Variants in AKAP3 observed in about 807,000 individuals in gnomAD.
The protein encoded by AKAP3 is A-kinase anchor protein 3.
AKAP3 carries 27 observed loss-of-function variants against 57.2 expected under a neutral mutation model. The ratio of observed to expected loss-of-function variants is 0.47; its 90% CI spans 0.35 to 0.65. The LOEUF (loss-of-function observed/expected upper bound fraction) is 0.65, where lower values mean the gene tolerates loss of function less well. AKAP3 is among the 30% of genes least tolerant of loss of function. AKAP3 has a pLI of 0.01. For synonymous variants in AKAP3, 334 were observed against 392.3 expected (o/e 0.85, Z 1.76); for missense variants, 959 against 1,040.0 (o/e 0.92, Z 1.07).
At chr12:4,641,420 G>T (rs1458054460) in intron 3 of AKAP3, among the ~76,000 whole-genome samples, 1 of 152,110 alleles carries the variant, frequency 6.6e-6, no homozygotes, top group Non-Finnish European at 1.5e-5. Flanking sequence ...CACCATGTTG[G>T]CCAGGCTGGT....
In AKAP3 at chr12:4,627,935, G is replaced by A. The variant is rs1287464797; in HGVS notation, c.967C>T (p.Leu323Phe). ...GAGACCACCTCTTTTGCATGCTTGA[G>A]CAGAACCTTCTTCAGTAGGATGGTG... is the stretch of plus-strand genomic sequence containing the variant. ...IATILLKKVL[L>F]KHAKEVVSDL... Residue 323 changes from leucine (L) to phenylalanine (F), a missense_variant, in exon 5 of 6, where the codon CTC (leucine) becomes TTC (phenylalanine). Physicochemically the swap from Leu to Phe is conservative, Grantham distance 22. Coordinates refer to ENST00000228850, the MANE Select transcript of AKAP3 (RefSeq NM_001278309.2). The A allele has an allele frequency of 1.3e-5, 21 of 1,614,104 alleles. No homozygotes were observed. The East Asian group carries it at 3.1e-4, about 24-fold the overall frequency.
At chr12:4,647,727 T>C (rs1301937037) in intron 1 of AKAP3, 1 of 152,216 alleles carries the variant, frequency 6.6e-6, no homozygotes, top group African/African-American at 2.4e-5. Flanking sequence ...TAGCAAATTG[T>C]GTTAAGTGAA....
chr12:4,626,599 A>G lies in AKAP3; in HGVS notation c.2303T>C (p.Val768Ala). Residue 768 changes from valine to alanine, a missense_variant, in exon 5 of 6, where the codon GTT (valine) becomes GCT (alanine). Val to Ala is a moderately conservative substitution (Grantham distance 64). Coordinates refer to ENST00000228850, the MANE Select transcript of AKAP3 (RefSeq NM_001278309.2). ...IVSNHNLTDT[V>A]QNKQLQAVLQ... Reference sequence around the variant, plus strand: ...GACGGCTTGGAGTTGCTTGTTCTGAACTGTGTCCGTTAGGTTGTGATTGCT... The same window carrying G: ...GACGGCTTGGAGTTGCTTGTTCTGAGCTGTGTCCGTTAGGTTGTGATTGCT... The G allele has an allele frequency of 6.2e-7, 1 of 1,614,160 alleles. No homozygotes were observed. The highest frequency in any genetic ancestry group is 1.1e-5 in the South Asian group (1 of 91,072).
At chr12:4,646,524 T>G (rs1402651809) in intron 1 of AKAP3, among the ~76,000 whole-genome samples, 11 of 151,962 alleles carry the variant, frequency 7.2e-5, no homozygotes, top group Non-Finnish European at 1.5e-4. Flanking sequence ...TACAAAAAAT[T>G]AGCCAGGCAT....
chr12:4,615,813 C>T lies in AKAP3; in HGVS notation c.2488G>A (p.Glu830Lys), dbSNP rs1565546410. 16 of 1,614,194 alleles carry T rather than the reference C, an allele frequency of 9.9e-6. No homozygotes were observed. Among genetic ancestry groups the T allele is most frequent in the Non-Finnish European group, 1.4e-5 (16 of 1,180,036 alleles). The part of the protein sequence containing the change: ...VLQSVLRYEK[E>K]RQLNEAVGNV... ...CCCACCGCCTCATTCAGCTGGCGCT[C>T]CTTCTCATAGCGCAGCACCGACTGC... The change falls in exon 6 of 6, where the codon GAG (glutamate) becomes AAG (lysine). Residue 830 changes from glutamate to lysine, a missense_variant. Physicochemically the swap from Glu to Lys is moderately conservative, Grantham distance 56. Transcript: ENST00000228850.
intron 5 of AKAP3, among the ~76,000 whole-genome samples, chr12:4,621,248 TAAA>T (rs1945344167): frequency 6.6e-6 from 1 of 152,062 alleles, no homozygotes; most frequent in African/African-American, 2.4e-5. Context: ...CTTTGTAACA[TAAA>T]AATGTTACAG....
chr12:4,616,818 G>T (rs2137421993), intron 5 of AKAP3, among the ~76,000 whole-genome samples: 1 of 152,186 alleles, frequency 6.6e-6, no homozygotes, highest in Non-Finnish European at 1.5e-5. Context: ...AATAAACAGA[G>T]CCCAAGGACT....
At chr12:4,644,125 G>A (rs1945669725) in intron 2 of AKAP3, among the ~76,000 whole-genome samples, 1 of 152,188 alleles carries the variant, frequency 6.6e-6, no homozygotes, top group Non-Finnish European at 1.5e-5. Flanking sequence ...TTGTGTGTGT[G>A]TGTGTCTCAA....
intron 5 of AKAP3, 61 bp from the exon 6 acceptor site, chr12:4,615,955 G>A: frequency 1.2e-6 from 2 of 1,603,494 alleles, no homozygotes; most frequent in Non-Finnish European, 1.7e-6. Flanking sequence ...GCCAGATGGA[G>A]CCTGCCAAGG....
Position 4,628,552 on chromosome 12 carries a change from T to C in AKAP3, c.350A>G (p.Asn117Ser). ...PCQGPRAQLG[N>S]GSSVDEVSFY... ...GGAAACTTCATCTACTGAACTCCCG[T>C]TGCCAAGTTGGGCCCTGGGGCCCTG... is the stretch of plus-strand genomic sequence containing the variant. The change falls in exon 5 of 6, where the codon AAC becomes AGC. Residue 117 changes from asparagine to serine, a missense_variant. Physicochemically the swap from Asn to Ser is conservative, Grantham distance 46. Transcript: ENST00000228850. The C allele has an allele frequency of 6.2e-7, 1 of 1,614,202 alleles. No individual in the cohort carries two copies. Among genetic ancestry groups the C allele is most frequent in the Non-Finnish European group, 8.5e-7 (1 of 1,180,010 alleles).
Position 4,627,444 on chromosome 12 carries a change from A to G in AKAP3, c.1458T>C (p.Arg486=), listed in dbSNP as rs773532348. The part of the protein sequence containing the change: ...HAAFEAPNTQ[R]KPASDISFEY... ...CAAAGGAAATGTCTGATGCAGGCTT[A>G]CGCTGTGTGTTGGGAGCTTCAAATG... The change falls in exon 5 of 6, where the codon CGT becomes CGC. Residue 486 remains arginine (R), a synonymous_variant. Coordinates refer to ENST00000228850, the MANE Select transcript of AKAP3 (RefSeq NM_001278309.2). 6.2e-7 allele frequency: 1 copy of G among 1,614,062 alleles called. No individual in the cohort carries two copies. The highest frequency in any genetic ancestry group is 1.7e-5 in the Admixed American group (1 of 59,996).
Position 4,628,378 on chromosome 12 carries a change from G to A in AKAP3, c.524C>T (p.Ala175Val). 1 of 1,614,202 alleles carries A rather than the reference G, an allele frequency of 6.2e-7. No individual in the cohort carries two copies. The highest frequency in any genetic ancestry group is 8.5e-7 in the Non-Finnish European group (1 of 1,180,032). The change falls in exon 5 of 6, where the codon GCA (alanine) becomes GTA (valine). Residue 175 changes from alanine to valine, a missense_variant. Transcript: ENST00000228850. ...GACGGTCTCATTCACAAGCTCTGATGCTATCTTACTGAGGCTTTTGGTGGG... is the reference window on the plus strand; with the variant it reads ...GACGGTCTCATTCACAAGCTCTGATACTATCTTACTGAGGCTTTTGGTGGG... ...PTPTKSLSKI[A>V]SELVNETVSA...
rs751333323 is a variant in AKAP3 at position 4,627,838 on chromosome 12, A to G, written c.1064T>C (p.Val355Ala). The change falls in exon 5 of 6, where the codon GTC becomes GCC. Residue 355 changes from valine (V) to alanine (A), a missense_variant. Physicochemically the swap from Val to Ala is moderately conservative, Grantham distance 64. Transcript: ENST00000228850. ...TGTLMTDTQF[V>A]SAVKRTVFSH... Reference sequence around the variant, plus strand: ...GAAGACAGTTCTTTTCACAGCCGAGACAAACTGTGTGTCAGTCATGAGGGT... The same window carrying G: ...GAAGACAGTTCTTTTCACAGCCGAGGCAAACTGTGTGTCAGTCATGAGGGT... 36 of 1,614,026 alleles carry G rather than the reference A, an allele frequency of 2.2e-5. No homozygotes were observed. Among genetic ancestry groups the G allele is most frequent in the Non-Finnish European group, 8.5e-7 (1 of 1,180,030 alleles).
At chr12:4,618,495 T>C (rs541831209) in intron 5 of AKAP3, among the ~76,000 whole-genome samples, 1 of 152,328 alleles carries the variant, frequency 6.6e-6, no homozygotes, top group South Asian at 2.1e-4. Context: ...ACATAAGAGC[T>C]AAAATTATCA....
chr12:4,648,013 G>A (rs1407147892), intron 1 of AKAP3: 1 of 152,094 alleles, frequency 6.6e-6, no homozygotes, highest in Non-Finnish European at 1.5e-5. Context: ...GAAAGAACCC[G>A]CCCTCCCCAA....
Position 4,626,607 on chromosome 12 carries a change from C to G in AKAP3, c.2295G>C (p.Thr765=). ...PTVIVSNHNL[T]DTVQNKQLQA... The stretch of plus-strand genomic sequence containing the variant: ...GGAGTTGCTTGTTCTGAACTGTGTC[C>G]GTTAGGTTGTGATTGCTGACAATCA... The change falls in exon 5 of 6, where the codon ACG becomes ACC. Residue 765 remains threonine, a synonymous_variant. Transcript: ENST00000228850. 6.2e-7 allele frequency: 1 copy of G among 1,614,170 alleles called. No individual in the cohort carries two copies. Among genetic ancestry groups the G allele is most frequent in the Non-Finnish European group, 8.5e-7 (1 of 1,180,030 alleles).
At position 4,627,094 on chromosome 12, in the gene AKAP3, C is replaced by T. The variant is rs1261510287; in HGVS notation, c.1808G>A (p.Ser603Asn). 3 of 1,614,036 alleles carry T rather than the reference C, an allele frequency of 1.9e-6. No individual in the cohort carries two copies. The highest frequency in any genetic ancestry group is 2.5e-6 in the Non-Finnish European group (3 of 1,180,030). ...VFFNFIRNLL[S>N]ETIFKRDQSP... is the part of the protein sequence containing the mutation. Reference sequence around the variant, plus strand: ...CTGGTCACGCTTGAAAATGGTCTCACTAAGTAAGTTCCGGATGAAATTAAA... The same window carrying T: ...CTGGTCACGCTTGAAAATGGTCTCATTAAGTAAGTTCCGGATGAAATTAAA... Residue 603 changes from serine (S) to asparagine (N), a missense_variant, in exon 5 of 6, where the codon AGT becomes AAT. Coordinates refer to ENST00000228850, the MANE Select transcript of AKAP3 (RefSeq NM_001278309.2).
chr12:4,629,826 C>T (rs958353003), intron 4 of AKAP3, among the ~76,000 whole-genome samples: 1 of 152,086 alleles, frequency 6.6e-6, no homozygotes, highest in Non-Finnish European at 1.5e-5. Flanking sequence ...AATCACTTTG[C>T]CAGGCTGCAC....
intron 5 of AKAP3, among the ~76,000 whole-genome samples, chr12:4,618,757 T>A (rs566838945): frequency 6.6e-6 from 1 of 152,354 alleles, no homozygotes; most frequent in African/African-American, 2.4e-5. Context: ...TGAGAACCAC[T>A]GGGTAGGCAA....
Sources: allele counts gnomAD v4.1 joint callset (sites outside exome capture counted in the v4.1 genomes callset), GRCh38; gene constraint gnomAD v4.1.1; transcripts MANE v1.5; gene names NCBI Gene and HGNC (gene_info 2026-07-23, HGNC 2026-07-21).